The following ATE1 variants were observed in gnomAD, a reference collection of about 807,000 sequenced individuals.
ATE1 encodes the protein arginyl-tRNA--protein transferase 1.
In ATE1, 36 loss-of-function variants were observed where a neutral mutation model predicts 70.5. The ratio of observed to expected loss-of-function variants is 0.51; its 90% CI spans 0.39 to 0.67. The LOEUF (loss-of-function observed/expected upper bound fraction) is 0.67, where lower values mean the gene tolerates loss of function less well. Ranked by LOEUF, ATE1 falls within the 30% of genes least tolerant of loss-of-function variation. The pLI, the probability that ATE1 is intolerant of heterozygous loss-of-function variation, is 0.00. For synonymous variants in ATE1, 232 were observed against 219.3 expected (o/e 1.06, Z -0.51); for missense variants, 593 against 629.5 (o/e 0.94, Z 0.62).
chr10:121,915,824 G>C (rs1951628743), intron 3 of ATE1, among the ~76,000 whole-genome samples: 1 of 150,248 alleles, frequency 6.7e-6, no homozygotes, highest in Admixed American at 6.7e-5. Context: ...CTGGGAGGCA[G>C]AGCTTGCAGT....
At position 121,813,848 on chromosome 10, in the gene ATE1, C is replaced by T. The variant is rs547745361; in HGVS notation, c.1257+22870G>A. 1.1e-3 allele frequency among the ~76,000 whole-genome samples: 160 copies of T among 152,318 alleles called. 1 individual carries two copies. The highest frequency in any genetic ancestry group is 3.6e-3 in the African/African-American group (148 of 41,578). ...TCTCATCTGGATACCTTTTGATTCA[C>T]AGACTCCTTTGAAAACCAGAAGAAA... On this transcript the variant is annotated intron_variant, in intron 10 of 11. Coordinates refer to ENST00000224652, the MANE Select transcript of ATE1 (RefSeq NM_001001976.3).
intron 11 of ATE1, among the ~76,000 whole-genome samples, chr10:121,760,279 A>T (rs957359067): frequency 2.8e-4 from 43 of 152,250 alleles, no homozygotes; most frequent in Admixed American, 6.5e-5. Context: ...TACATTTCAT[A>T]AGGCTATAGC....
intron 11 of ATE1, among the ~76,000 whole-genome samples, chr10:121,746,597 A>G (rs7077105): frequency 0.01 from 1,575 of 152,304 alleles, 11 homozygotes; most frequent in African/African-American, 0.027. Flanking sequence ...ATAAACTCCT[A>G]TATCTAGTTC....
At chr10:121,758,595 G>A (rs11200134) in intron 11 of ATE1, among the ~76,000 whole-genome samples, 125,906 of 152,138 alleles carry the variant, frequency 0.83, 52,451 homozygotes, top group Non-Finnish European at 0.89. Flanking sequence ...ATAACCATAC[G>A]TTATTTTGCT....
intron 7 of ATE1, among the ~76,000 whole-genome samples, chr10:121,872,441 C>T (rs909027248): frequency 1.3e-5 from 2 of 152,188 alleles, no homozygotes; most frequent in Admixed American, 6.5e-5. Context: ...CACATTGACA[C>T]TCCTATTCCC....
upstream of ATE1, chr10:121,928,250 G>A (rs1294056094): frequency 4.3e-6 from 6 of 1,407,484 alleles, no homozygotes; most frequent in Admixed American, 1.1e-4. Flanking sequence ...AAGAGGGGAA[G>A]GGAAGCGGGA....
At chr10:121,796,735 T>C (rs983608209) in intron 10 of ATE1, among the ~76,000 whole-genome samples, 1 of 152,106 alleles carries the variant, frequency 6.6e-6, no homozygotes, top group Non-Finnish European at 1.5e-5. Flanking sequence ...ATCTAAAACA[T>C]TGAAAGGAGA....
intron 11 of ATE1, among the ~76,000 whole-genome samples, chr10:121,777,626 T>G (rs886761263): frequency 2.0e-5 from 3 of 152,226 alleles, no homozygotes; most frequent in Non-Finnish European, 4.4e-5. Flanking sequence ...ATATTAACTT[T>G]CATATCCTGC....
At position 121,756,154 on chromosome 10, in the gene ATE1, T is replaced by C. The variant is rs187662631; in HGVS notation, c.1379-12296A>G. Among the ~76,000 whole-genome samples, 14 of 152,288 alleles carry C rather than the reference T, an allele frequency of 9.2e-5. No individual in the cohort carries two copies. In the East Asian group the frequency reaches 1.5e-3, roughly 17 times the overall value. ...CAAAACAAAAGGGCTACAGGTCCCATGCAAGTCCAAAATCCAGCAGGGCAG... is the reference window on the plus strand; with the variant it reads ...CAAAACAAAAGGGCTACAGGTCCCACGCAAGTCCAAAATCCAGCAGGGCAG... On this transcript the variant is annotated intron_variant, in intron 11 of 11. Transcript: ENST00000224652.
chr10:121,817,642 T>G (rs184165625), intron 10 of ATE1, among the ~76,000 whole-genome samples: 9 of 152,148 alleles, frequency 5.9e-5, no homozygotes, highest in African/African-American at 1.7e-4. Flanking sequence ...CCCATAAACG[T>G]TGATATCAGC....
chr10:121,883,228 G>C (rs11200213), intron 7 of ATE1, among the ~76,000 whole-genome samples: 20,032 of 151,974 alleles, frequency 0.13, 1,516 homozygotes, highest in East Asian at 0.19. Flanking sequence ...GATGTATTAT[G>C]CTTATTGTTT....
intron 7 of ATE1, among the ~76,000 whole-genome samples, chr10:121,880,388 T>C (rs1950190089): frequency 6.6e-6 from 1 of 152,094 alleles, no homozygotes; most frequent in Non-Finnish European, 1.5e-5. Context: ...CTTATTCATC[T>C]ATGCATCCCT....
intron 11 of ATE1, among the ~76,000 whole-genome samples, chr10:121,762,641 G>A (rs925066897): frequency 1.3e-5 from 2 of 152,172 alleles, no homozygotes; most frequent in African/African-American, 4.8e-5. Flanking sequence ...AGCTTGGTGA[G>A]TGTGCGTGTG....
intron 10 of ATE1, among the ~76,000 whole-genome samples, chr10:121,813,740 C>T (rs1947419020): frequency 6.6e-6 from 1 of 152,114 alleles, no homozygotes; most frequent in South Asian, 2.1e-4. Flanking sequence ...ATTTATGTCC[C>T]CTCAGCAGCA....
At chr10:121,921,174 C>T (rs191192455) in intron 3 of ATE1, among the ~76,000 whole-genome samples, 13 of 151,798 alleles carry the variant, frequency 8.6e-5, no homozygotes, top group Admixed American at 2.0e-4. Context: ...ATCCCACCAC[C>T]CAGGTACTGA....
In ATE1 at chr10:121,768,053, G is replaced by A. The variant is rs1021996279; in HGVS notation, c.1378+22116C>T. ...AAATTCTAACATATGCTACAACATG[G>A]ATGAATCTTATAGAAATTATGCTAA... On this transcript the variant is annotated intron_variant, in intron 11 of 11. Coordinates refer to ENST00000224652, the MANE Select transcript of ATE1 (RefSeq NM_001001976.3). Among the ~76,000 whole-genome samples the A allele has an allele frequency of 2.6e-5, 4 of 152,150 alleles. 1 individual carries two copies. The highest frequency in any genetic ancestry group is 2.0e-4 in the Admixed American group (3 of 15,274).
At chr10:121,880,527 TTC>T (rs1950194651) in intron 7 of ATE1, among the ~76,000 whole-genome samples, 1 of 151,206 alleles carries the variant, frequency 6.6e-6, no homozygotes, top group Admixed American at 6.6e-5. Context: ...TTTGAGCTAT[TTC>T]TGGAATAAAT....
chr10:121,772,631 C>T (rs141679629), intron 11 of ATE1, among the ~76,000 whole-genome samples: 5 of 152,188 alleles, frequency 3.3e-5, no homozygotes, highest in Admixed American at 1.3e-4. Context: ...AACAAAGTCA[C>T]GTCATGCTCC....
Position 121,841,211 on chromosome 10 carries a change from TG to T in ATE1, c.1027del (p.Gln343SerfsTer13). 6.4e-7 allele frequency: 1 copy of T among 1,572,460 alleles called. No homozygotes were observed. The highest frequency in any genetic ancestry group is 8.7e-7 in the Non-Finnish European group (1 of 1,155,122). ...PDCGYGSFHQ[Q>X]YWLDGKIIAV... The stretch of plus-strand genomic sequence containing the variant: ...AATGATCTTTCCGTCAAGCCAGTAC[TG>T]CTGGTGAAAGGAGCCATAGCCACAA... On this transcript the variant is annotated frameshift_variant, in exon 9 of 12. Transcript: ENST00000224652. LOFTEE classifies it high-confidence loss of function.
Sources: allele counts gnomAD v4.1 joint callset (sites outside exome capture counted in the v4.1 genomes callset), GRCh38; gene constraint gnomAD v4.1.1; transcripts MANE v1.5; gene names NCBI Gene and HGNC (gene_info 2026-07-23, HGNC 2026-07-21).